GRIN2A: variants seen among roughly 807,000 people sequenced by gnomAD.
GRIN2A encodes glutamate ionotropic receptor NMDA type subunit 2A, also known as glutamate receptor ionotropic, NMDA 2A.
Under a neutral mutation model 113.4 loss-of-function variants are expected in GRIN2A, and 22 were observed. The observed-to-expected ratio is 0.19, with a 90% CI of 0.14 to 0.28. The LOEUF (loss-of-function observed/expected upper bound fraction) is 0.28, where lower values mean the gene tolerates loss of function less well. Ranked by LOEUF, GRIN2A falls within the 10% of genes least tolerant of loss-of-function variation. GRIN2A has a pLI of 1.00. For missense variants in GRIN2A, 1,502 were observed against 1,887.0 expected, an observed-to-expected ratio of 0.80 and a Z score of 3.78; for synonymous variants, 827 against 738.4, an observed-to-expected ratio of 1.12 and a Z score of -1.94.
intron 2 of GRIN2A, among the ~76,000 whole-genome samples, chr16:10,013,375 T>A (rs2046545003): frequency 6.6e-6 from 1 of 152,242 alleles, no homozygotes; most frequent in South Asian, 2.1e-4. Flanking sequence ...GGCAGCTGAC[T>A]GCCTTCCTAA....
chr16:9,917,306 A>G (rs532900740), intron 3 of GRIN2A, among the ~76,000 whole-genome samples: 3 of 152,272 alleles, frequency 2.0e-5, no homozygotes, highest in African/African-American at 7.2e-5. Context: ...TAAATTCCCT[A>G]TGAGATTATA....
intron 2 of GRIN2A, among the ~76,000 whole-genome samples, chr16:10,064,307 C>A (rs894880798): frequency 6.6e-6 from 1 of 152,162 alleles, no homozygotes; most frequent in African/African-American, 2.4e-5. Flanking sequence ...GTCCCAGGCA[C>A]CTCACTTCGT....
At chr16:10,090,686 G>C (rs1398674314) in intron 2 of GRIN2A, among the ~76,000 whole-genome samples, 1 of 151,766 alleles carries the variant, frequency 6.6e-6, no homozygotes, top group Non-Finnish European at 1.5e-5. Flanking sequence ...GAAAAAATAG[G>C]CAAATTCATC....
At chr16:9,909,725 G>C (rs568062037) in intron 3 of GRIN2A, among the ~76,000 whole-genome samples, 1 of 152,244 alleles carries the variant, frequency 6.6e-6, no homozygotes, top group East Asian at 1.9e-4. Context: ...TGGCACATGG[G>C]CAAACTTTAT....
intron 2 of GRIN2A, among the ~76,000 whole-genome samples, chr16:9,996,710 G>A (rs2046230049): frequency 6.6e-6 from 1 of 152,070 alleles, no homozygotes; most frequent in South Asian, 2.1e-4. Context: ...CTCCACCAAT[G>A]GGAAGAGGCT....
At chr16:10,112,871 G>A (rs1004886783) in intron 2 of GRIN2A, 8 of 523,596 alleles carry the variant, frequency 1.5e-5, no homozygotes, top group African/African-American at 5.7e-5. Flanking sequence ...CTTACCAGAA[G>A]CAGCTGTACT....
chr16:9,820,154 T>C (rs1031404187), intron 10 of GRIN2A, among the ~76,000 whole-genome samples: 1 of 152,014 alleles, frequency 6.6e-6, no homozygotes. Context: ...TGCTATTATA[T>C]TAAAAAAAAG....
chr16:10,151,203 G>A (rs1041390456), intron 2 of GRIN2A, among the ~76,000 whole-genome samples: 1 of 152,224 alleles, frequency 6.6e-6, no homozygotes, highest in African/African-American at 2.4e-5. Flanking sequence ...CATGCAAGCT[G>A]TGTCCAACAG....
chr16:9,951,148 T>A (rs2141673152), intron 2 of GRIN2A, among the ~76,000 whole-genome samples: 1 of 152,144 alleles, frequency 6.6e-6, no homozygotes, highest in East Asian at 1.9e-4. Flanking sequence ...GCTTCCTCCA[T>A]CACCAGCTTC....
chr16:9,949,895 G>T (rs991171010), intron 2 of GRIN2A, among the ~76,000 whole-genome samples: 2 of 152,168 alleles, frequency 1.3e-5, no homozygotes, highest in African/African-American at 4.8e-5. Context: ...GGGTTAGAGA[G>T]GGCAGGGTAT....
At chr16:9,799,110 C>T (rs1248318696) in intron 10 of GRIN2A, among the ~76,000 whole-genome samples, 1 of 152,178 alleles carries the variant, frequency 6.6e-6, no homozygotes, top group Non-Finnish European at 1.5e-5. Context: ...AAACTTTCTT[C>T]TATAAAGACA....
At chr16:9,951,625 T>C (rs2045183054) in intron 2 of GRIN2A, among the ~76,000 whole-genome samples, 3 of 152,174 alleles carry the variant, frequency 2.0e-5, no homozygotes, top group Admixed American at 2.0e-4. Flanking sequence ...CAAATGGAAT[T>C]AGGAGCATAA....
intron 3 of GRIN2A, among the ~76,000 whole-genome samples, chr16:9,924,454 A>C (rs1170316427): frequency 6.6e-6 from 1 of 152,032 alleles, no homozygotes; most frequent in Non-Finnish European, 1.5e-5. Context: ...ATCTTTTTTC[A>C]CTCTGACAGC....
chr16:10,115,719 G>A (rs1011476172), intron 2 of GRIN2A, among the ~76,000 whole-genome samples: 5 of 152,198 alleles, frequency 3.3e-5, no homozygotes, highest in African/African-American at 1.2e-4. Flanking sequence ...TGTGTGAATG[G>A]GGTATGGGGG....
chr16:10,047,064 C>G (rs1367836371), intron 2 of GRIN2A, among the ~76,000 whole-genome samples: 4 of 152,210 alleles, frequency 2.6e-5, no homozygotes, highest in Non-Finnish European at 4.4e-5. Context: ...ACAACCAAAG[C>G]TGTCTCCACA....
chr16:10,068,924 G>C (rs769346186), intron 2 of GRIN2A, among the ~76,000 whole-genome samples: 1 of 152,138 alleles, frequency 6.6e-6, no homozygotes, highest in African/African-American at 2.4e-5. Context: ...AAAGAAAACA[G>C]GGTATGTTCA....
intron 2 of GRIN2A, among the ~76,000 whole-genome samples, chr16:10,038,562 G>A (rs1019375873): frequency 4.0e-5 from 6 of 151,834 alleles, no homozygotes; most frequent in East Asian, 1.9e-4. Flanking sequence ...AGATATTGCC[G>A]GCCAGGCGCG....
At chr16:9,812,179 CT>C (rs1437544445) in intron 10 of GRIN2A, among the ~76,000 whole-genome samples, 3 of 152,176 alleles carry the variant, frequency 2.0e-5, no homozygotes, top group African/African-American at 7.2e-5. Flanking sequence ...CCCAGACACG[CT>C]GCTTAATCTC....
intron 4 of GRIN2A, among the ~76,000 whole-genome samples, chr16:9,874,952 G>A (rs1444188296): frequency 2.0e-5 from 3 of 151,714 alleles, no homozygotes; most frequent in Non-Finnish European, 4.4e-5. Flanking sequence ...GGCAGGTGTG[G>A]TGGCACACAC....
Sources: gnomAD v4.1 joint callset for allele counts (sites outside exome capture counted in the v4.1 genomes callset) on GRCh38, gnomAD v4.1.1 for gene constraint, MANE v1.5 for transcripts, NCBI Gene and HGNC (gene_info 2026-07-23, HGNC 2026-07-21) for gene names.